NOX5: variants seen among roughly 807,000 people sequenced by gnomAD.
NOX5 encodes NADPH oxidase 5.
Under a neutral mutation model 85.7 loss-of-function variants are expected in NOX5, and 76 were observed. The ratio of observed to expected loss-of-function variants is 0.89; its 90% CI spans 0.74 to 1.07. The LOEUF (loss-of-function observed/expected upper bound fraction) is 1.07. Among genes scored for constraint, NOX5 ranks in the 50% least tolerant of loss-of-function variants. NOX5 has a pLI of 0.00. For missense variants in NOX5, 973 were observed against 999.5 expected (o/e 0.97, Z 0.36); for synonymous variants, 405 against 401.4 (o/e 1.01, Z -0.11).
intron 9 of NOX5, among the ~76,000 whole-genome samples, chr15:69,041,360 A>C (rs1402037921): frequency 6.6e-6 from 1 of 152,232 alleles, no homozygotes; most frequent in Non-Finnish European, 1.5e-5. Flanking sequence ...CACCTCTCTA[A>C]GCCTCTGTAA....
rs1259486057 is a variant in NOX5 at position 69,061,849 on chromosome 15, G to A, written c.*5153G>A. On this transcript the variant is annotated 3_prime_UTR_variant, in exon 16 of 16. Transcript: ENST00000388866. ...ACAGGTAGTGAGTTTTAGTGTGGCA[G>A]GGAAGAAAAGGATGCATTTTTTGGT... is the stretch of plus-strand genomic sequence containing the variant. 1 of 152,144 alleles carries A rather than the reference G, an allele frequency of 6.6e-6. No individual in the cohort carries two copies. Among genetic ancestry groups the A allele is most frequent in the Non-Finnish European group, 1.5e-5 (1 of 68,036 alleles). 9.4% of individuals were successfully genotyped at this position (152,144 alleles called of 1,614,324 possible). A position where few individuals can be genotyped will look rare whatever the true frequency, so the allele number is the denominator to read the frequency against.
intron 10 of NOX5, among the ~76,000 whole-genome samples, chr15:69,045,569 T>TTTCTTTCTTTCTTTCC (rs1164633352): frequency 7.7e-5 from 5 of 64,604 alleles, no homozygotes; most frequent in Non-Finnish European, 1.6e-4. Context: ...TCTTTCTTTC[T>TTTCTTTCTTTCTTTCC]TCCCTTTCTT....
chr15:69,050,385 T>C (rs527421315), intron 14 of NOX5, among the ~76,000 whole-genome samples: 2 of 152,200 alleles, frequency 1.3e-5, no homozygotes, highest in Admixed American at 1.3e-4. Context: ...TTCTTTGTAA[T>C]GCAGGTCTGC....
At chr15:69,030,401 G>A (rs1253749577) in intron 3 of NOX5, 1 of 152,234 alleles carries the variant, frequency 6.6e-6, no homozygotes, top group Non-Finnish European at 1.5e-5. Flanking sequence ...CGGAAAACAG[G>A]TAGCTGGCTT....
In NOX5 at chr15:69,035,841, G is replaced by T; in HGVS notation, c.1093G>T (p.Gly365Cys). 6.2e-6 allele frequency: 10 copies of T among 1,614,202 alleles called. No individual in the cohort carries two copies. The highest frequency in any genetic ancestry group is 7.6e-6 in the Non-Finnish European group (9 of 1,180,038). Residue 365 changes from glycine (G) to cysteine (C), a missense_variant, in exon 7 of 16, where the codon GGT becomes TGT. Transcript: ENST00000388866. ...TTRPGIGWVH[G>C]SASPTGVALL... The stretch of plus-strand genomic sequence containing the variant: ...GAGGCCTGGCATTGGCTGGGTACAC[G>T]GTTCGGCCTCCCCGACAGGTGTCGC...
chr15:69,035,576 C>T lies in NOX5; in HGVS notation c.1009+69C>T, dbSNP rs1009803621. On this transcript the variant is annotated intron_variant, in intron 6 of 15. Transcript: ENST00000388866. ...AGCCTCAAGCCCAGAATGCAGGGCC[C>T]AGCCCCTGTGTGTACTGCCTGCCCA... 2.5e-6 allele frequency: 4 copies of T among 1,585,320 alleles called. No homozygotes were observed. The African/African-American group carries it at 4.0e-5, about 16-fold the overall frequency.
chr15:69,020,884 G>T (rs952738766), intron 1 of NOX5, among the ~76,000 whole-genome samples: 5 of 151,924 alleles, frequency 3.3e-5, no homozygotes, highest in Non-Finnish European at 4.4e-5. Context: ...AATGAATTTT[G>T]AACTTTATCA....
At chr15:69,039,910 G>A (rs2050572861) in intron 9 of NOX5, among the ~76,000 whole-genome samples, 1 of 152,240 alleles carries the variant, frequency 6.6e-6, no homozygotes, top group Non-Finnish European at 1.5e-5. Context: ...GTGCCTCCAA[G>A]TATGACAAGT....
At position 69,056,607 on chromosome 15, in the gene NOX5, GTCT is replaced by G. The variant is rs764708048; in HGVS notation, c.2216_2218del (p.Phe739del). 6.2e-6 allele frequency: 10 copies of G among 1,613,640 alleles called. No homozygotes were observed. In the African/African-American group the frequency reaches 1.1e-4, roughly 17 times the overall value. On this transcript the variant is annotated inframe_deletion, in exon 16 of 16. Transcript: ENST00000388866. ...TGCTGAGAAGAAGGGCAAGGTGCAG[GTCT>G]TCTTCTGTGGCTCCCCAGCTCTGGC...
chr15:69,026,441 A>C (rs2050359020), intron 1 of NOX5, 87 bp from the exon 2 acceptor site: 10 of 1,565,362 alleles, frequency 6.4e-6, no homozygotes, highest in African/African-American at 1.4e-5. Context: ...CCCTAGTTAG[A>C]GCAAGGCAGA....
At position 69,055,344 on chromosome 15, in the gene NOX5, G is replaced by A; in HGVS notation, c.2010G>A (p.Leu670=). The A allele has an allele frequency of 1.2e-6, 2 of 1,613,956 alleles. No individual in the cohort carries two copies. The highest frequency in any genetic ancestry group is 1.7e-5 in the Admixed American group (1 of 60,028). The change falls in exon 15 of 16, where the codon CTG becomes CTA. Residue 670 remains leucine, a synonymous_variant. Transcript: ENST00000388866. Reference sequence around the variant, plus strand: ...TCCCCTGCCCAACAGGCCGCTTCCTGGAGCTGCATATGTACATGACATCTG... The same window carrying A: ...TCCCCTGCCCAACAGGCCGCTTCCTAGAGCTGCATATGTACATGACATCTG... ...QAEEAQYGRF[L]ELHMYMTSAL...
intron 15 of NOX5, among the ~76,000 whole-genome samples, chr15:69,056,166 C>G (rs1249335414): frequency 6.6e-6 from 1 of 152,190 alleles, no homozygotes; most frequent in Non-Finnish European, 1.5e-5. Context: ...ATATTTAAAT[C>G]ACAGCAGGGT....
intron 8 of NOX5, chr15:69,038,473 G>A (rs898732175): frequency 8.3e-5 from 24 of 289,974 alleles, no homozygotes; most frequent in African/African-American, 5.3e-4. Context: ...GTTATCCAAG[G>A]AGAGATGCCC....
intron 5 of NOX5, among the ~76,000 whole-genome samples, chr15:69,034,136 C>T (rs902820748): frequency 1.3e-5 from 2 of 152,258 alleles, no homozygotes. Context: ...AGCAGGGATG[C>T]CCATCTCTAG....
At chr15:69,056,478 G>A in intron 15 of NOX5, 87 bp from the exon 16 acceptor site, 1 of 1,541,340 alleles carries the variant, frequency 6.5e-7, no homozygotes, top group Non-Finnish European at 8.8e-7. Flanking sequence ...GACCCGTTAT[G>A]CTGTTACCTC....
chr15:69,036,638 T>C lies in NOX5; in HGVS notation c.1189-390T>C, dbSNP rs570330536. On this transcript the variant is annotated intron_variant, in intron 7 of 15. Coordinates refer to ENST00000388866, the MANE Select transcript of NOX5 (RefSeq NM_024505.4). ...TGAAATTGCCCAAGATCACAAAGCT[T>C]CAGAAGGTGCTAAAATTGTCTTCTG... Among the ~76,000 whole-genome samples the C allele has an allele frequency of 2.6e-5, 4 of 152,318 alleles. No homozygotes were observed. In the South Asian group the frequency reaches 8.3e-4, roughly 32 times the overall value.
At chr15:69,049,178 A>G (rs1026288248) in intron 14 of NOX5, 120 bp downstream of exon 14, 1 of 541,116 alleles carries the variant, frequency 1.8e-6, no homozygotes, top group African/African-American at 2.0e-5. Flanking sequence ...TAACCATTAA[A>G]GTGAACCCAG....
chr15:69,018,670 G>T (rs1434201384), intron 1 of NOX5, among the ~76,000 whole-genome samples: 1 of 152,110 alleles, frequency 6.6e-6, no homozygotes, highest in Non-Finnish European at 1.5e-5. Flanking sequence ...CTGGGATGAG[G>T]TTGTGCCGTG....
At chr15:69,039,105 G>A (rs1281943396) in intron 9 of NOX5, 116 bp downstream of exon 9, 1 of 1,174,084 alleles carries the variant, frequency 8.5e-7, no homozygotes, top group African/African-American at 1.5e-5. Context: ...CACAAAGTCA[G>A]CCTCAAAAAG....
Sources: gnomAD v4.1 joint callset for allele counts (sites outside exome capture counted in the v4.1 genomes callset) on GRCh38, gnomAD v4.1.1 for gene constraint, MANE v1.5 for transcripts, NCBI Gene and HGNC (gene_info 2026-07-23, HGNC 2026-07-21) for gene names.